The following RABEP1 variants were observed in gnomAD, a reference collection of about 807,000 sequenced individuals.
RABEP1 encodes rabaptin, RAB GTPase binding effector protein 1, also known as rab GTPase-binding effector protein 1.
Under a neutral mutation model 123.4 loss-of-function variants are expected in RABEP1, and 51 were observed. That is an observed-to-expected ratio of 0.41 (90% confidence interval 0.33 to 0.52). RABEP1 has a LOEUF of 0.52. RABEP1 is among the 20% of genes least tolerant of loss of function. RABEP1 has a pLI of 0.16. For missense variants in RABEP1, 888 were observed against 996.3 expected (o/e 0.89, Z 1.46); for synonymous variants, 347 against 355.2 (o/e 0.98, Z 0.26).
chr17:5,374,867 C>G (rs982454171), intron 13 of RABEP1, among the ~76,000 whole-genome samples: 3 of 152,208 alleles, frequency 2.0e-5, no homozygotes, highest in African/African-American at 4.8e-5. Context: ...TGGTCTCCAA[C>G]TCCTGACCTC....
intron 3 of RABEP1, among the ~76,000 whole-genome samples, chr17:5,332,825 C>CT (rs2144601904): frequency 6.6e-6 from 1 of 152,134 alleles, no homozygotes; most frequent in East Asian, 1.9e-4. Context: ...TCAGGCTGGT[C>CT]TTGAACTCCT....
intron 1 of RABEP1, among the ~76,000 whole-genome samples, chr17:5,296,011 C>G (rs937232): frequency 0.61 from 92,619 of 152,032 alleles, 29,916 homozygotes; most frequent in East Asian, 0.96. Flanking sequence ...CTCTCTAATT[C>G]CTTTACTTTT....
intron 1 of RABEP1, among the ~76,000 whole-genome samples, chr17:5,300,816 T>C (rs2075129558): frequency 6.6e-6 from 1 of 152,160 alleles, no homozygotes; most frequent in African/African-American, 2.4e-5. Flanking sequence ...AGAAAAGGTA[T>C]TTTTGAGAAG....
In RABEP1 at chr17:5,309,418, C is replaced by T. The variant is rs553698242; in HGVS notation, c.163+596C>T. Among the ~76,000 whole-genome samples, 14 of 149,602 alleles carry T rather than the reference C, an allele frequency of 9.4e-5. No homozygotes were observed. The East Asian group carries it at 1.4e-3, about 14-fold the overall frequency. On this transcript the variant is annotated intron_variant, in intron 2 of 17. Coordinates refer to ENST00000537505, the MANE Select transcript of RABEP1 (RefSeq NM_004703.6). ...TAATCCCAGCACTTTGGGAGGCCAA[C>T]GGGCGGGGGCGGATCACCTGAGGTC...
chr17:5,325,427 A>G (rs1905876451), intron 2 of RABEP1, among the ~76,000 whole-genome samples: 1 of 152,196 alleles, frequency 6.6e-6, no homozygotes, highest in African/African-American at 2.4e-5. Flanking sequence ...TAAGCCAAGC[A>G]CTGAAAGACA....
intron 1 of RABEP1, among the ~76,000 whole-genome samples, chr17:5,300,476 TACTGAGG>T (rs2075126360): frequency 1.3e-5 from 2 of 152,176 alleles, no homozygotes; most frequent in Non-Finnish European, 2.9e-5. Context: ...TGACCACCCC[TACTGAGG>T]TAGTATTGGT....
At chr17:5,328,035 A>T (rs1161920398) in intron 2 of RABEP1, among the ~76,000 whole-genome samples, 1 of 152,234 alleles carries the variant, frequency 6.6e-6, no homozygotes, top group African/African-American at 2.4e-5. Flanking sequence ...ATTCTAATTA[A>T]TGAGTGAAGT....
intron 1 of RABEP1, among the ~76,000 whole-genome samples, chr17:5,299,718 TCTTTTTC>T (rs2075116166): frequency 8.8e-6 from 1 of 113,942 alleles, no homozygotes; most frequent in African/African-American, 3.2e-5. Context: ...TTTTTTCTTT[TCTTTTTC>T]TTTTTCTTTT....
intron 1 of RABEP1, among the ~76,000 whole-genome samples, chr17:5,290,148 C>A (rs1248775732): frequency 1.3e-5 from 2 of 152,214 alleles, no homozygotes; most frequent in Non-Finnish European, 2.9e-5. Context: ...AGTGCAGTGG[C>A]ACGATCTCAG....
chr17:5,379,523 G>A (rs1911276759), intron 15 of RABEP1, among the ~76,000 whole-genome samples: 1 of 152,048 alleles, frequency 6.6e-6, no homozygotes, highest in Non-Finnish European at 1.5e-5. Flanking sequence ...CATCATCACT[G>A]CCTGACTTCC....
chr17:5,318,383 C>T (rs1226726594), intron 2 of RABEP1, among the ~76,000 whole-genome samples: 1 of 152,032 alleles, frequency 6.6e-6, no homozygotes, highest in Non-Finnish European at 1.5e-5. Context: ...TGAATTATAT[C>T]TCAATGAAGT....
chr17:5,295,491 AT>A (rs79213106), intron 1 of RABEP1, among the ~76,000 whole-genome samples: 1 of 151,496 alleles, frequency 6.6e-6, no homozygotes, highest in Non-Finnish European at 1.5e-5. Context: ...TATTGTTTTT[AT>A]TTTTTTCTAT....
At chr17:5,315,482 G>T (rs888666166) in intron 2 of RABEP1, among the ~76,000 whole-genome samples, 1 of 152,156 alleles carries the variant, frequency 6.6e-6, no homozygotes, top group African/African-American at 2.4e-5. Flanking sequence ...TATTTGAAGA[G>T]ATAATAACTT....
Position 5,354,361 on chromosome 17 carries a change from G to A in RABEP1, c.966G>A (p.Glu322=), listed in dbSNP as rs757869902. The A allele has an allele frequency of 2.5e-6, 4 of 1,607,552 alleles. No homozygotes were observed. The highest frequency in any genetic ancestry group is 3.4e-6 in the Non-Finnish European group (4 of 1,177,668). ...QVEELKKKDQ[E]DDEQQRLNKR... The stretch of plus-strand genomic sequence containing the variant: ...ATATGTTTTTTTCTTCCTTTTAGGA[G>A]GATGATGAACAACAAAGACTCAATA... Residue 322 remains glutamate (E), a splice_region_variant and synonymous_variant, in exon 8 of 18, where the codon GAG becomes GAA. Transcript: ENST00000537505.
rs370583391 is a variant in RABEP1, at chr17:5,380,446, A to G, written c.2354A>G (p.Lys785Arg). 2.3e-5 allele frequency: 36 copies of G among 1,550,644 alleles called. No individual in the cohort carries two copies. The highest frequency in any genetic ancestry group is 2.9e-5 in the Non-Finnish European group (33 of 1,142,066). The stretch of plus-strand genomic sequence containing the variant: ...ATCAGTTTGGAAGAGCAGTTAAAGA[A>G]AGAGACTGCTGCTAAGGTAGTGTTT... ...IKISLEEQLK[K>R]ETAAKATVEQ... The change falls in exon 16 of 18, where the codon AAA becomes AGA. Residue 785 changes from lysine to arginine, a missense_variant. Physicochemically the swap from Lys to Arg is conservative, Grantham distance 26. Coordinates refer to ENST00000537505, the MANE Select transcript of RABEP1 (RefSeq NM_004703.6).
intron 1 of RABEP1, among the ~76,000 whole-genome samples, chr17:5,298,334 G>A (rs112787206): frequency 1.3e-5 from 2 of 152,030 alleles, no homozygotes; most frequent in African/African-American, 4.8e-5. Flanking sequence ...AATTTGATTC[G>A]TTTTACGGTA....
rs191537809 is a variant in RABEP1, at chr17:5,367,011, C to T, written c.1786-1359C>T. On this transcript the variant is annotated intron_variant, in intron 11 of 17. Coordinates refer to ENST00000537505, the MANE Select transcript of RABEP1 (RefSeq NM_004703.6). ...GGCTGAGGCAGGAGAATCGCTTGAACCCGGGAGGCGGAGGTTGCAGTGAGC... is the reference window on the plus strand; with the variant it reads ...GGCTGAGGCAGGAGAATCGCTTGAATCCGGGAGGCGGAGGTTGCAGTGAGC... Among the ~76,000 whole-genome samples the T allele has an allele frequency of 4.1e-3, 617 of 150,916 alleles. 8 individuals carry two copies. The highest frequency in any genetic ancestry group is 0.014 in the African/African-American group (584 of 41,190).
chr17:5,327,183 A>G (rs1906061447), intron 2 of RABEP1, among the ~76,000 whole-genome samples: 1 of 152,132 alleles, frequency 6.6e-6, no homozygotes, highest in African/African-American at 2.4e-5. Context: ...CTCCGTCTTT[A>G]CCCAAAATAC....
At chr17:5,383,072 G>A (rs935553731) in intron 17 of RABEP1, 50 bp from the exon 18 acceptor site, 3 of 1,535,514 alleles carry the variant, frequency 2.0e-6, no homozygotes, top group Middle Eastern at 1.7e-4. Flanking sequence ...TCAAAGTTCA[G>A]AAAATCTAGG....
Sources: allele counts gnomAD v4.1 joint callset (sites outside exome capture counted in the v4.1 genomes callset), GRCh38; gene constraint gnomAD v4.1.1; transcripts MANE v1.5; gene names NCBI Gene and HGNC (gene_info 2026-07-23, HGNC 2026-07-21).